The following CHCHD6 variants were observed in gnomAD, a reference collection of about 807,000 sequenced individuals.
CHCHD6 encodes the protein coiled-coil-helix-coiled-coil-helix domain containing 6.
Under a neutral mutation model 32.3 loss-of-function variants are expected in CHCHD6, and 28 were observed. The ratio of observed to expected loss-of-function variants is 0.87; its 90% CI spans 0.64 to 1.19. CHCHD6 has a LOEUF of 1.19. Ranked by LOEUF, CHCHD6 falls within the 50% of genes most tolerant of loss-of-function variation. The pLI is 0.00. For synonymous variants in CHCHD6, 122 were observed against 117.5 expected (o/e 1.04, Z -0.25); for missense variants, 333 against 307.0 (o/e 1.08, Z -0.63).
chr3:126,827,598 T>C (rs1315571704), intron 4 of CHCHD6, among the ~76,000 whole-genome samples: 2 of 152,148 alleles, frequency 1.3e-5, no homozygotes, highest in African/African-American at 4.8e-5. Context: ...TCTTTAACCT[T>C]TCTTGGGCTC....
At chr3:126,790,343 G>C (rs1250581664) in intron 4 of CHCHD6, among the ~76,000 whole-genome samples, 1 of 152,132 alleles carries the variant, frequency 6.6e-6, no homozygotes, top group Non-Finnish European at 1.5e-5. Context: ...GGTGTTCTCT[G>C]TATTTCCTGA....
At chr3:126,835,270 C>G (rs1940808526) in intron 4 of CHCHD6, among the ~76,000 whole-genome samples, 1 of 152,188 alleles carries the variant, frequency 6.6e-6, no homozygotes, top group Admixed American at 6.5e-5. Flanking sequence ...ACAGTGCTCC[C>G]CACACAGCCC....
At chr3:126,718,603 C>T (rs1935133952) in intron 1 of CHCHD6, among the ~76,000 whole-genome samples, 1 of 152,222 alleles carries the variant, frequency 6.6e-6, no homozygotes, top group Non-Finnish European at 1.5e-5. Context: ...TAGGTGAGGA[C>T]AGTGACGCTC....
rs114585930 is a variant in CHCHD6, at chr3:126,881,490, T to C, written c.495+28760T>C. Reference sequence around the variant, plus strand: ...TGTGTTGACAGACTTGAATGAATATTGATTTAATACAAGTGTATAGCAAAA... The same window carrying C: ...TGTGTTGACAGACTTGAATGAATATCGATTTAATACAAGTGTATAGCAAAA... On this transcript the variant is annotated intron_variant, in intron 5 of 7. Coordinates refer to ENST00000290913, the MANE Select transcript of CHCHD6 (RefSeq NM_032343.3). Among the ~76,000 whole-genome samples the C allele has an allele frequency of 4.8e-3, 733 of 152,330 alleles. 3 individuals carry two copies. The highest frequency in any genetic ancestry group is 7.3e-3 in the Non-Finnish European group (497 of 68,034).
chr3:126,881,700 G>T (rs1203354276), intron 5 of CHCHD6, among the ~76,000 whole-genome samples: 1 of 152,210 alleles, frequency 6.6e-6, no homozygotes, highest in Non-Finnish European at 1.5e-5. Flanking sequence ...TGGAAGGGTG[G>T]ATGGGGCACC....
At chr3:126,747,906 T>A (rs922736418) in intron 4 of CHCHD6, among the ~76,000 whole-genome samples, 2 of 152,190 alleles carry the variant, frequency 1.3e-5, no homozygotes, top group Non-Finnish European at 2.9e-5. Context: ...GTTCGTGCTC[T>A]CTGACCTCCT....
chr3:126,800,095 C>T (rs964893039), intron 4 of CHCHD6, among the ~76,000 whole-genome samples: 12 of 152,004 alleles, frequency 7.9e-5, no homozygotes, highest in Non-Finnish European at 1.8e-4. Context: ...CTTCTTTTGT[C>T]CATTATTTTC....
chr3:126,853,158 C>T lies in CHCHD6; in HGVS notation c.495+428C>T, dbSNP rs141679358. ...TTATTATTGATTTTCTCCTGGGAGT[C>T]GGGAAGATCAAAGTGCACTACGGCT... On this transcript the variant is annotated intron_variant, in intron 5 of 7. Coordinates refer to ENST00000290913, the MANE Select transcript of CHCHD6 (RefSeq NM_032343.3). Among the ~76,000 whole-genome samples, 20 of 150,546 alleles carry T rather than the reference C, an allele frequency of 1.3e-4. No homozygotes were observed. The South Asian group carries it at 1.9e-3, about 14-fold the overall frequency.
intron 6 of CHCHD6, among the ~76,000 whole-genome samples, chr3:126,923,099 T>C (rs1349703313): frequency 6.6e-6 from 1 of 152,226 alleles, no homozygotes; most frequent in Non-Finnish European, 1.5e-5. Context: ...TTCTTGCCAC[T>C]GCGCTGTAGC....
chr3:126,777,768 TTTA>T (rs1406591536), intron 4 of CHCHD6, among the ~76,000 whole-genome samples: 1 of 152,252 alleles, frequency 6.6e-6, no homozygotes, highest in Non-Finnish European at 1.5e-5. Context: ...TTTTAACAGC[TTTA>T]TTAAGATATA....
intron 5 of CHCHD6, among the ~76,000 whole-genome samples, chr3:126,857,876 T>G (rs1020993742): frequency 6.6e-6 from 1 of 152,218 alleles, no homozygotes; most frequent in Non-Finnish European, 1.5e-5. Context: ...GCATAGCCAC[T>G]GTGGAAGATC....
At chr3:126,789,136 G>A (rs962833909) in intron 4 of CHCHD6, among the ~76,000 whole-genome samples, 3 of 152,202 alleles carry the variant, frequency 2.0e-5, no homozygotes, top group African/African-American at 4.8e-5. Flanking sequence ...GCAGTTTTGA[G>A]TGAGTTTCTT....
At chr3:126,768,246 A>G (rs1937455122) in intron 4 of CHCHD6, among the ~76,000 whole-genome samples, 1 of 152,036 alleles carries the variant, frequency 6.6e-6, no homozygotes, top group South Asian at 2.1e-4. Flanking sequence ...TGTTTATTTA[A>G]AAGTGTGTAG....
chr3:126,768,350 G>T (rs1467205872), intron 4 of CHCHD6, among the ~76,000 whole-genome samples: 2 of 152,100 alleles, frequency 1.3e-5, no homozygotes, highest in African/African-American at 4.8e-5. Context: ...ACTTCCTGAG[G>T]TCTCTGCAGA....
intron 6 of CHCHD6, among the ~76,000 whole-genome samples, chr3:126,955,380 AC>A (rs907748728): frequency 1.3e-5 from 2 of 151,788 alleles, no homozygotes; most frequent in East Asian, 1.9e-4. Flanking sequence ...TGCAGATAAA[AC>A]CCCCCCCACC....
At chr3:126,732,078 CA>C (rs57722271) in intron 3 of CHCHD6, among the ~76,000 whole-genome samples, 18,398 of 75,942 alleles carry the variant, frequency 0.24, 853 homozygotes, top group South Asian at 0.4. Flanking sequence ...GACCCAAAAC[CA>C]AAAAAAAAAA....
chr3:126,852,767 G>T, intron 5 of CHCHD6, 37 bp downstream of exon 5: 5 of 1,417,836 alleles, frequency 3.5e-6, no homozygotes, highest in Non-Finnish European at 5.0e-6. Flanking sequence ...TCGGGGCCAG[G>T]TCCTAAAGGC....
chr3:126,934,772 A>G (rs1236908567), intron 6 of CHCHD6, among the ~76,000 whole-genome samples: 3 of 151,680 alleles, frequency 2.0e-5, no homozygotes, highest in East Asian at 3.9e-4. Context: ...GATGGTCTCG[A>G]TCTCCTGACC....
At chr3:126,945,168 C>T (rs188453697) in intron 6 of CHCHD6, among the ~76,000 whole-genome samples, 10 of 152,038 alleles carry the variant, frequency 6.6e-5, no homozygotes, top group East Asian at 1.9e-4. Flanking sequence ...CAGGCACGGG[C>T]GGCTCTTGTG....
Sources: allele counts gnomAD v4.1 joint callset (sites outside exome capture counted in the v4.1 genomes callset), GRCh38; gene constraint gnomAD v4.1.1; transcripts MANE v1.5; gene names NCBI Gene and HGNC (gene_info 2026-07-23, HGNC 2026-07-21).